The following ZAN variants were observed in gnomAD, a reference collection of about 807,000 sequenced individuals.
ZAN encodes zonadhesin, also known as zonadhesin (gene/pseudogene).
A neutral mutation model predicts 286.2 loss-of-function variants in ZAN; 260 were observed. The observed-to-expected ratio is 0.91, with a 90% confidence interval of 0.82 to 1.01. ZAN has a LOEUF of 1.01. ZAN is among the 50% of genes least tolerant of loss of function. The pLI, the probability that ZAN is intolerant of heterozygous loss-of-function variation, is 0.00. For missense variants in ZAN, 3,410 were observed against 3,639.2 expected (o/e 0.94, Z 1.62); for synonymous variants, 1,368 against 1,417.5 (o/e 0.97, Z 0.79).
intron 17 of ZAN, 94 bp downstream of exon 17, chr7:100,758,744 C>T (rs929454678): frequency 6.6e-7 from 1 of 1,505,640 alleles, no homozygotes; most frequent in African/African-American, 1.4e-5. Context: ...AGGGGCAGGG[C>T]ACAGATGGGG....
At chr7:100,790,827 G>A in intron 39 of ZAN, 115 bp from the exon 40 acceptor site, 1 of 1,211,076 alleles carries the variant, frequency 8.3e-7, no homozygotes, top group Non-Finnish European at 1.1e-6. Context: ...AGGTTGCAGT[G>A]AGCCAAGATC....
chr7:100,788,800 G>A (rs1185156148), intron 38 of ZAN, among the ~76,000 whole-genome samples: 1 of 152,158 alleles, frequency 6.6e-6, no homozygotes, highest in Non-Finnish European at 1.5e-5. Context: ...CCAGGTTCAA[G>A]TGATTATCCT....
intron 7 of ZAN, among the ~76,000 whole-genome samples, chr7:100,746,230 T>G (rs1489760386): frequency 1.3e-5 from 2 of 152,048 alleles, no homozygotes; most frequent in East Asian, 3.8e-4. Flanking sequence ...AGAGTGAGAC[T>G]GTCTCAAAAA....
At chr7:100,758,145 A>AG in intron 15 of ZAN, 57 bp from the exon 16 acceptor site, 1 of 1,358,014 alleles carries the variant, frequency 7.4e-7, no homozygotes, top group Non-Finnish European at 9.6e-7. Context: ...AGAAAGGCAA[A>AG]GGGAGAAGTA....
Position 100,776,510 on chromosome 7 carries a change from C to T in ZAN, c.6263C>T (p.Ala2088Val). Reference sequence around the variant, plus strand: ...CTAATGATGCCCAGCGATGAAGTAGCAAATAGTGACAGTGAATTTGTGAAC... The same window carrying T: ...CTAATGATGCCCAGCGATGAAGTAGTAAATAGTGACAGTGAATTTGTGAAC... ...DELMMPSDEV[A>V]NSDSEFVNSW... The change falls in exon 34 of 48, where the codon GCA (alanine) becomes GTA (valine). Residue 2088 changes from alanine (A) to valine (V), a missense_variant. Ala to Val is a moderately conservative substitution (Grantham distance 64). Transcript: ENST00000613979. The T allele has an allele frequency of 1.3e-6, 2 of 1,581,454 alleles. No homozygotes were observed. The highest frequency in any genetic ancestry group is 1.7e-6 in the Non-Finnish European group (2 of 1,163,100).
Position 100,795,163 on chromosome 7 carries a change from GC to G in ZAN, c.8126-27del, listed in dbSNP as rs546462455. The G allele has an allele frequency of 1.1e-4, 168 of 1,591,916 alleles. 3 individuals are homozygous for G. In the African/African-American group the frequency reaches 1.6e-3, roughly 15 times the overall value. On this transcript the variant is annotated intron_variant, in intron 44 of 47. Coordinates refer to ENST00000613979, the MANE Select transcript of ZAN (RefSeq NM_003386.3). ...CCTCAGCTGGGAGTGTCCTCCCAGG[GC>G]CCCCCTCCCACAACCCTCTCTGTCC... is the stretch of plus-strand genomic sequence containing the variant.
chr7:100,754,692 C>T (rs903114094), intron 14 of ZAN, among the ~76,000 whole-genome samples: 2 of 151,396 alleles, frequency 1.3e-5, no homozygotes, highest in South Asian at 2.1e-4. Flanking sequence ...TTAGTAGAAA[C>T]GGGGTTTCAC....
At position 100,759,782 on chromosome 7, in the gene ZAN, G is replaced by A. The variant is rs760944238; in HGVS notation, c.3633G>A (p.Leu1211=). 3.7e-6 allele frequency: 6 copies of A among 1,606,234 alleles called. No homozygotes were observed. In the Admixed American group the frequency reaches 5.1e-5, roughly 14 times the overall value. ...EEQGQEGVSC[L]SKVYVTLPES... ...AGGGACAGGAAGGCGTGTCCTGCCT[G>A]AGCAAAGTCTACGTGACCCTGCCCG... Residue 1211 remains leucine, a synonymous_variant, in exon 18 of 48, where the codon CTG becomes CTA. Coordinates refer to ENST00000613979, the MANE Select transcript of ZAN (RefSeq NM_003386.3).
chr7:100,785,273 C>G (rs1475239360), intron 36 of ZAN, among the ~76,000 whole-genome samples: 9 of 138,094 alleles, frequency 6.5e-5, no homozygotes, highest in African/African-American at 2.5e-4. Context: ...TATTATCCAG[C>G]AGGCTAGAGT....
At position 100,776,136 on chromosome 7, in the gene ZAN, A is replaced by G. The variant is rs560697636; in HGVS notation, c.6192+303A>G. 2.0e-5 allele frequency among the ~76,000 whole-genome samples: 3 copies of G among 152,112 alleles called. No homozygotes were observed. In the East Asian group the frequency reaches 5.8e-4, roughly 29 times the overall value. ...CGAGACCAGCCTGGCCAACATGGTG[A>G]AACCCCGTCTCTATTAAAAATAAAA... On this transcript the variant is annotated intron_variant, in intron 33 of 47. Coordinates refer to ENST00000613979, the MANE Select transcript of ZAN (RefSeq NM_003386.3).
chr7:100,752,417 A>G lies in ZAN; in HGVS notation c.2312A>G (p.Glu771Gly). Residue 771 changes from glutamate (E) to glycine (G), a missense_variant, in exon 14 of 48, where the codon GAA becomes GGA. By Grantham distance (98) the Glu-to-Gly change is moderately conservative (BLOSUM62 -2). This residue lies in a region of ZAN where 39 missense variants were observed against 76.9 expected (regional missense o/e 0.51). Coordinates refer to ENST00000613979, the MANE Select transcript of ZAN (RefSeq NM_003386.3). The part of the protein sequence containing the change: ...TPTEKPTISP[E>G]KLTIPTEKPT... ...ACAGAAAAACCCACCATCTCCCCAG[A>G]AAAACTCACCATCCCCACAGAAAAA... is the stretch of plus-strand genomic sequence containing the variant. 2 of 1,562,118 alleles carry G rather than the reference A, an allele frequency of 1.3e-6. No homozygotes were observed. The highest frequency in any genetic ancestry group is 8.7e-7 in the Non-Finnish European group (1 of 1,149,806).
chr7:100,797,178 G>A (rs1247512684), intron 45 of ZAN, among the ~76,000 whole-genome samples, 188 bp from the exon 46 acceptor site: 1 of 152,068 alleles, frequency 6.6e-6, no homozygotes, highest in Non-Finnish European at 1.5e-5. Flanking sequence ...GCGGGGGTTG[G>A]GGAGGGGGCA....
At chr7:100,780,672 C>A (rs1811139281) in intron 35 of ZAN, among the ~76,000 whole-genome samples, 1 of 151,558 alleles carries the variant, frequency 6.6e-6, no homozygotes. Context: ...AAAAAAAATT[C>A]TCCCCAAAAA....
intron 7 of ZAN, among the ~76,000 whole-genome samples, chr7:100,738,873 T>TTCTCCTTCTCCCTCTCCC (rs1562911245): frequency 3.7e-4 from 9 of 24,150 alleles, no homozygotes; most frequent in Admixed American, 1.3e-3. Flanking sequence ...CCTCTTCTTC[T>TTCTCCTTCTCCCTCTCCC]TCTCCCTCTC....
chr7:100,750,634 A>G lies in ZAN; in HGVS notation c.1259A>G (p.Tyr420Cys), dbSNP rs1584563447. Residue 420 changes from tyrosine (Y) to cysteine (C), a missense_variant, in exon 12 of 48, where the codon TAT (tyrosine) becomes TGT (cysteine). Physicochemically the swap from Tyr to Cys is radical, Grantham distance 194 (BLOSUM62 -2). This residue lies in a region of ZAN where 872 missense variants were observed against 938.9 expected (regional missense o/e 0.93). Transcript: ENST00000613979. ...CCCTTCCTTTGCCTAGGGGGTCACT[A>G]TATCTACCTTGAGGCTGACGAGTTC... ...AGGFPNAGGH[Y>C]IYLEADEFSQ... is the part of the protein sequence containing the mutation. 1 of 1,613,188 alleles carries G rather than the reference A, an allele frequency of 6.2e-7. No individual in the cohort carries two copies. The highest frequency in any genetic ancestry group is 1.7e-4 in the Middle Eastern group (1 of 6,060).
intron 28 of ZAN, 92 bp downstream of exon 28, chr7:100,770,066 G>T: frequency 7.9e-7 from 1 of 1,258,422 alleles, no homozygotes. Context: ...AACAAGACCA[G>T]AAACAGATGG....
chr7:100,734,283 T>C, intron 2 of ZAN, 62 bp downstream of exon 2: 2 of 1,183,854 alleles, frequency 1.7e-6, no homozygotes, highest in Non-Finnish European at 2.4e-6. Flanking sequence ...GTAAGGAATA[T>C]GGAAGGACAG....
At chr7:100,757,754 CAA>C (rs1166217824) in intron 15 of ZAN, among the ~76,000 whole-genome samples, 26 of 57,494 alleles carry the variant, frequency 4.5e-4, no homozygotes, top group African/African-American at 1.0e-3. Context: ...GACTCCGTCT[CAA>C]AAAAAAAAAA....
intron 19 of ZAN, 71 bp from the exon 20 acceptor site, chr7:100,762,144 C>T (rs1809627275): frequency 6.3e-7 from 1 of 1,593,260 alleles, no homozygotes; most frequent in Non-Finnish European, 8.6e-7. Flanking sequence ...TCCTTGCCTT[C>T]TCTGCCACTG....
Sources: gnomAD v4.1 joint callset for allele counts (sites outside exome capture counted in the v4.1 genomes callset) on GRCh38, gnomAD v4.1.1 for gene constraint, gnomAD v4.1.1 regional missense constraint, MANE v1.5 for transcripts, NCBI Gene and HGNC (gene_info 2026-07-23, HGNC 2026-07-21) for gene names.